The following FER variants were observed in gnomAD, a reference collection of about 807,000 sequenced individuals.
The protein encoded by FER is FER tyrosine kinase.
FER carries 63 observed loss-of-function variants against 111.0 expected under a neutral mutation model. That is an observed-to-expected ratio of 0.57 (90% CI 0.46 to 0.70). The LOEUF (loss-of-function observed/expected upper bound fraction) is 0.70, where lower values mean the gene tolerates loss of function less well. Among genes scored for constraint, FER ranks in the 30% least tolerant of loss-of-function variants. FER has a pLI of 0.00. For missense variants in FER, 914 were observed against 954.0 expected, an observed-to-expected ratio of 0.96 and a Z score of 0.55; for synonymous variants, 327 against 313.9, an observed-to-expected ratio of 1.04 and a Z score of -0.44.
chr5:109,115,844 T>A (rs999190318), intron 17 of FER, among the ~76,000 whole-genome samples: 1 of 152,140 alleles, frequency 6.6e-6, no homozygotes, highest in Non-Finnish European at 1.5e-5. Flanking sequence ...GTAAACTCTT[T>A]CCTTTTCTTC....
chr5:108,952,355 G>T (rs1033292147), intron 11 of FER, among the ~76,000 whole-genome samples: 1 of 152,012 alleles, frequency 6.6e-6, no homozygotes, highest in East Asian at 1.9e-4. Flanking sequence ...TTGTAAAATT[G>T]TTTGGGATTT....
chr5:108,993,503 C>T (rs966360377), intron 13 of FER, among the ~76,000 whole-genome samples: 8 of 151,852 alleles, frequency 5.3e-5, no homozygotes, highest in East Asian at 1.9e-4. Context: ...AGTCCAGCTT[C>T]GGCTCGGCAT....
At chr5:109,181,305 C>T (rs1410770874) in intron 18 of FER, among the ~76,000 whole-genome samples, 1 of 152,150 alleles carries the variant, frequency 6.6e-6, no homozygotes, top group East Asian at 1.9e-4. Context: ...TAGTTTCTCA[C>T]TCTGAAATCG....
At chr5:108,859,616 C>G (rs73780601) in intron 5 of FER, among the ~76,000 whole-genome samples, 1 of 152,270 alleles carries the variant, frequency 6.6e-6, no homozygotes, top group African/African-American at 2.4e-5. Context: ...CCAGAACTCC[C>G]TCATTCACAG....
At chr5:109,045,866 G>A (rs1164351476) in intron 15 of FER, among the ~76,000 whole-genome samples, 4 of 152,180 alleles carry the variant, frequency 2.6e-5, no homozygotes, top group Admixed American at 2.6e-4. Flanking sequence ...TTCAGGCTGT[G>A]ATGTTAGCAA....
chr5:108,889,991 A>T (rs959038628), intron 9 of FER, among the ~76,000 whole-genome samples: 3 of 152,036 alleles, frequency 2.0e-5, no homozygotes, highest in Non-Finnish European at 4.4e-5. Context: ...AGCATCTTGT[A>T]AAACCATAAA....
Position 109,044,698 on chromosome 5 carries a change from T to C in FER, c.1732T>C (p.Tyr578His). ...TTTTCAGGGAAATTTTGGTGAAGTA[T>C]ATAAGGGCACATTAAAGGATAAAAC... The part of the protein sequence containing the change: ...LLGKGNFGEV[Y>H]KGTLKDKTSV... The change falls in exon 15 of 20, where the codon TAT (tyrosine) becomes CAT (histidine). Residue 578 changes from tyrosine (Y) to histidine (H), a missense_variant. Physicochemically the swap from Tyr to His is moderately conservative, Grantham distance 83. Transcript: ENST00000281092. 1.3e-6 allele frequency: 2 copies of C among 1,576,956 alleles called. No homozygotes were observed. The highest frequency in any genetic ancestry group is 4.5e-5 in the East Asian group (2 of 43,980).
In FER at chr5:108,923,131, G is replaced by A. The variant is rs116011393; in HGVS notation, c.1237-22999G>A. On this transcript the variant is annotated intron_variant, in intron 10 of 19. Coordinates refer to ENST00000281092, the MANE Select transcript of FER (RefSeq NM_005246.4). ...AATGAGATAATCCATCTAAAATGCCGAGAAAATGCTTTCTCCTAAGAAATT... is the reference window on the plus strand; with the variant it reads ...AATGAGATAATCCATCTAAAATGCCAAGAAAATGCTTTCTCCTAAGAAATT... Among the ~76,000 whole-genome samples the A allele has an allele frequency of 7.9e-3, 1,203 of 152,056 alleles. 10 individuals carry two copies. The highest frequency in any genetic ancestry group is 0.013 in the Non-Finnish European group (863 of 67,946).
chr5:108,962,769 C>T (rs1032304436), intron 13 of FER, among the ~76,000 whole-genome samples: 3 of 152,060 alleles, frequency 2.0e-5, no homozygotes, highest in Non-Finnish European at 4.4e-5. Flanking sequence ...ATTATTGTTG[C>T]TGTTATTGCT....
chr5:108,852,011 A>G (rs1438587012), intron 5 of FER, among the ~76,000 whole-genome samples: 2 of 152,192 alleles, frequency 1.3e-5, no homozygotes, highest in Admixed American at 1.3e-4. Flanking sequence ...CTTTTATCAC[A>G]CAAGTGGGGA....
At chr5:109,183,582 C>T (rs566538963) in intron 18 of FER, among the ~76,000 whole-genome samples, 1 of 152,144 alleles carries the variant, frequency 6.6e-6, no homozygotes, top group Non-Finnish European at 1.5e-5. Flanking sequence ...GCAGTATATA[C>T]TCTTTCTTCA....
chr5:109,090,340 T>C (rs896300999), intron 16 of FER, among the ~76,000 whole-genome samples: 1 of 152,178 alleles, frequency 6.6e-6, no homozygotes, highest in Admixed American at 6.5e-5. Context: ...CTAGCTGGAC[T>C]AAATGGTGTA....
At chr5:109,126,645 T>C in intron 17 of FER, among the ~76,000 whole-genome samples, 1 of 152,246 alleles carries the variant, frequency 6.6e-6, no homozygotes, top group Non-Finnish European at 1.5e-5. Context: ...GATCTCTTTT[T>C]TCATTCAGTT....
In FER at chr5:108,954,508, A is replaced by T. The variant is rs78442557; in HGVS notation, c.1330-221A>T. On this transcript the variant is annotated intron_variant, in intron 11 of 19. Coordinates refer to ENST00000281092, the MANE Select transcript of FER (RefSeq NM_005246.4). ...AACTCTAAATGCTAATATTGTGTCT[A>T]CCTTTGTATGATAGATAAAACAAAG... Among the ~76,000 whole-genome samples, 527 of 152,170 alleles carry T rather than the reference A, an allele frequency of 3.5e-3. 2 individuals are homozygous for T. Among genetic ancestry groups the T allele is most frequent in the Non-Finnish European group, 4.2e-3 (288 of 67,954 alleles).
At chr5:108,967,444 A>G (rs985075960) in intron 13 of FER, among the ~76,000 whole-genome samples, 1 of 152,068 alleles carries the variant, frequency 6.6e-6, no homozygotes, top group Admixed American at 6.6e-5. Context: ...GGCACCACTG[A>G]AAGTTGGGCA....
chr5:109,128,449 AC>A (rs1371593830), intron 17 of FER, among the ~76,000 whole-genome samples: 1 of 152,156 alleles, frequency 6.6e-6, no homozygotes, highest in Non-Finnish European at 1.5e-5. Context: ...GTGATTTTAG[AC>A]AGTTGCCTTT....
intron 16 of FER, among the ~76,000 whole-genome samples, chr5:109,094,090 C>A (rs1747169564): frequency 6.6e-6 from 1 of 151,598 alleles, no homozygotes; most frequent in African/African-American, 2.4e-5. Flanking sequence ...GACTTATGGT[C>A]TCAATGTGCA....
chr5:109,089,969 G>A (rs180814405), intron 16 of FER, among the ~76,000 whole-genome samples: 7 of 152,282 alleles, frequency 4.6e-5, no homozygotes. Context: ...TTGGCTTAGT[G>A]CCTTTCGGAG....
chr5:108,936,448 G>A (rs1456592658), intron 10 of FER, among the ~76,000 whole-genome samples: 1 of 151,966 alleles, frequency 6.6e-6, no homozygotes, highest in African/African-American at 2.4e-5. Context: ...CTTTAGGCCA[G>A]TGGTTTATTA....
Sources: gnomAD v4.1 joint callset for allele counts (sites outside exome capture counted in the v4.1 genomes callset) on GRCh38, gnomAD v4.1.1 for gene constraint, MANE v1.5 for transcripts, NCBI Gene and HGNC (gene_info 2026-07-23, HGNC 2026-07-21) for gene names.